The following DMD variants were observed in gnomAD, a reference collection of about 807,000 sequenced individuals.
DMD encodes the protein mutant dystrophin.
Under a neutral mutation model 330.1 loss-of-function variants are expected in DMD, and 63 were observed. The observed-to-expected ratio is 0.19, with a 90% CI of 0.16 to 0.24. The LOEUF (loss-of-function observed/expected upper bound fraction) is 0.24, where lower values mean the gene tolerates loss of function less well. DMD is among the 10% of genes least tolerant of loss of function. The pLI, the probability that DMD is intolerant of heterozygous loss-of-function variation, is 1.00. For synonymous variants in DMD, 1,223 were observed against 959.8 expected, an observed-to-expected ratio of 1.27 and a Z score of -5.07; for missense variants, 3,344 against 2,684.1, an observed-to-expected ratio of 1.25 and a Z score of -5.43.
intron 48 of DMD, among the ~76,000 whole-genome samples, chrX:31,861,666 GTA>G (rs1250542440): frequency 1.4e-3 from 113 of 78,683 alleles, no homozygotes; most frequent in East Asian, 3.3e-3. Flanking sequence ...GTGTGTGTGT[GTA>G]TATATATACA....
chrX:32,429,149 G>A lies in DMD; in HGVS notation c.4071+9092C>T, dbSNP rs190675905. ...AAATTTCTACATTTATATATTAAAT[G>A]TATTGAGCAAATAGTTCTAGGACTA... On this transcript the variant is annotated intron_variant, in intron 29 of 78. Coordinates refer to ENST00000357033, the MANE Select transcript of DMD (RefSeq NM_004006.3). Among the ~76,000 whole-genome samples, 234 of 103,384 alleles carry A rather than the reference G, an allele frequency of 2.3e-3. 1 individual carries two copies. Among genetic ancestry groups the A allele is most frequent in the Non-Finnish European group, 6.9e-4 (35 of 50,759 alleles). The allele number at this position is 103,384 out of a possible 115,157, so 89.8% of individuals were successfully genotyped here.
chrX:31,422,405 T>C lies in DMD; in HGVS notation c.9084+22076A>G, dbSNP rs775748013. 3.0e-4 allele frequency among the ~76,000 whole-genome samples: 33 copies of C among 111,645 alleles called. No homozygotes were observed. In the South Asian group the frequency reaches 0.011, roughly 38 times the overall value. ...CTAACAGTTTTAACTTCCTACTCTA[T>C]GTTTAACTCGTTTAACATATTAAAA... On this transcript the variant is annotated intron_variant, in intron 60 of 78. Transcript: ENST00000357033.
intron 44 of DMD, among the ~76,000 whole-genome samples, chrX:32,069,206 C>A (rs1011956841): frequency 2.7e-5 from 3 of 110,918 alleles, no homozygotes; most frequent in Non-Finnish European, 5.7e-5. Flanking sequence ...GTGGATATCC[C>A]AATTACCCTG....
At chrX:33,200,017 G>C (rs1390559235) in intron 1 of DMD, among the ~76,000 whole-genome samples, 1 of 111,461 alleles carries the variant, frequency 9.0e-6, no homozygotes, top group East Asian at 2.8e-4. Context: ...TCAATATCTT[G>C]TCCAACTGAT....
intron 76 of DMD, among the ~76,000 whole-genome samples, chrX:31,143,707 T>G (rs1048125362): frequency 8.9e-6 from 1 of 111,813 alleles, no homozygotes; most frequent in South Asian, 3.8e-4. Context: ...AATGTGCACT[T>G]TAATTTGAGT....
chrX:31,581,010 G>T (rs149685218), intron 55 of DMD, among the ~76,000 whole-genome samples: 3 of 112,163 alleles, frequency 2.7e-5, no homozygotes. Context: ...TGCTAATTCT[G>T]GAACTGAGTA....
At chrX:31,673,518 G>A (rs1394163612) in intron 53 of DMD, among the ~76,000 whole-genome samples, 3 of 111,039 alleles carry the variant, frequency 2.7e-5, no homozygotes, top group Admixed American at 9.7e-5. Flanking sequence ...GATGCTGAGA[G>A]ACTCACTTGA....
At chrX:32,028,547 T>A (rs1232551209) in intron 44 of DMD, among the ~76,000 whole-genome samples, 1 of 111,425 alleles carries the variant, frequency 9.0e-6, no homozygotes, top group Non-Finnish European at 1.9e-5. Flanking sequence ...AACAAGGAGA[T>A]TCTGGTACTA....
At chrX:31,473,711 C>CAAAAAAAAAAAAAAAA (rs55752684) in intron 59 of DMD, among the ~76,000 whole-genome samples, 553 of 40,058 alleles carry the variant, frequency 0.014, 6 homozygotes, top group Non-Finnish European at 0.023. Flanking sequence ...GACTCTGTCT[C>CAAAAAAAAAAAAAAAA]AAAAAAAAAA....
chrX:32,290,822 A>G (rs989021186), intron 42 of DMD, among the ~76,000 whole-genome samples: 2 of 112,116 alleles, frequency 1.8e-5, no homozygotes, highest in Non-Finnish European at 3.8e-5. Context: ...GAAGAAAAAA[A>G]TCCAAGTATA....
At chrX:33,159,469 T>G (rs2048661703) in intron 1 of DMD, 1 of 111,550 alleles carries the variant, frequency 9.0e-6, no homozygotes, top group Non-Finnish European at 1.9e-5. Flanking sequence ...CAGTGTGTGA[T>G]GTTCTCCTCC....
intron 44 of DMD, among the ~76,000 whole-genome samples, chrX:32,150,208 T>C (rs1455280157): frequency 8.9e-6 from 1 of 112,131 alleles, no homozygotes; most frequent in Non-Finnish European, 1.9e-5. Flanking sequence ...TGTTTCTTCA[T>C]TCAGGAATAA....
At chrX:32,744,170 T>TA (rs1165858166) in intron 7 of DMD, among the ~76,000 whole-genome samples, 1 of 110,169 alleles carries the variant, frequency 9.1e-6, no homozygotes, top group African/African-American at 3.3e-5. Context: ...AACCATCTTC[T>TA]AGGAAGGATA....
At chrX:33,278,949 T>C (rs184557632) in intron 1 of DMD, among the ~76,000 whole-genome samples, 1 of 111,448 alleles carries the variant, frequency 9.0e-6, no homozygotes, top group African/African-American at 3.3e-5. Context: ...ACGAAAACAC[T>C]TAGGAAGCCA....
intron 2 of DMD, among the ~76,000 whole-genome samples, chrX:32,876,219 T>C (rs1169193802): frequency 2.7e-5 from 3 of 111,960 alleles, no homozygotes; most frequent in Non-Finnish European, 5.6e-5. Flanking sequence ...TAAGTTATTT[T>C]CACCTCATTC....
intron 2 of DMD, among the ~76,000 whole-genome samples, chrX:32,854,667 G>A (rs975226345): frequency 4.6e-5 from 5 of 109,617 alleles, no homozygotes; most frequent in Admixed American, 9.8e-5. Flanking sequence ...TGCAAAACCC[G>A]AACAGACCAA....
chrX:33,242,756 C>T (rs2052606495), intron 1 of DMD, among the ~76,000 whole-genome samples: 1 of 111,522 alleles, frequency 9.0e-6, no homozygotes, highest in Non-Finnish European at 1.9e-5. Flanking sequence ...ATGCCAACAT[C>T]TACCGTTTTT....
intron 52 of DMD, among the ~76,000 whole-genome samples, chrX:31,680,529 C>T (rs2082322137): frequency 9.1e-6 from 1 of 109,580 alleles, no homozygotes. Context: ...TGCCATCATG[C>T]CCAGCTAATT....
At chrX:32,436,058 G>A (rs973738880) in intron 29 of DMD, among the ~76,000 whole-genome samples, 1 of 111,851 alleles carries the variant, frequency 8.9e-6, no homozygotes, top group Non-Finnish European at 1.9e-5. Context: ...CTTCACACTA[G>A]CTTCAGCTCA....
Sources: allele counts gnomAD v4.1 joint callset (sites outside exome capture counted in the v4.1 genomes callset), GRCh38; gene constraint gnomAD v4.1.1; transcripts MANE v1.5; gene names NCBI Gene and HGNC (gene_info 2026-07-23, HGNC 2026-07-21).